Variants in GOLT1A observed in about 807,000 individuals in gnomAD.
GOLT1A encodes vesicle transport protein GOT1A.
A neutral mutation model predicts 16.1 loss-of-function variants in GOLT1A; 10 were observed. The observed-to-expected ratio is 0.62, with a 90% CI of 0.38 to 1.05. The LOEUF (loss-of-function observed/expected upper bound fraction) is 1.05. Ranked by LOEUF, GOLT1A falls within the 50% of genes least tolerant of loss-of-function variation. The probability of loss-of-function intolerance (pLI) is 0.01; values close to 1 mark genes in which losing one functional copy is unlikely to be tolerated. For missense variants in GOLT1A, 137 were observed against 165.7 expected, an observed-to-expected ratio of 0.83 and a Z score of 0.95; for synonymous variants, 60 against 67.9, an observed-to-expected ratio of 0.88 and a Z score of 0.57.
chr1:204,207,295 C>T (rs1485928496), intron 1 of GOLT1A, among the ~76,000 whole-genome samples: 1 of 152,226 alleles, frequency 6.6e-6, no homozygotes, highest in Non-Finnish European at 1.5e-5. Context: ...GTCACGCCTA[C>T]ACCCAGCCGA....
chr1:204,205,975 C>T (rs1411360510), intron 1 of GOLT1A, among the ~76,000 whole-genome samples: 1 of 152,086 alleles, frequency 6.6e-6, no homozygotes, highest in Admixed American at 6.5e-5. Flanking sequence ...GAGGCTGAGG[C>T]AGGAGAATTG....
intron 2 of GOLT1A, among the ~76,000 whole-genome samples, 190 bp downstream of exon 2, chr1:204,202,706 C>T (rs1421478583): frequency 6.6e-6 from 1 of 152,062 alleles, no homozygotes; most frequent in African/African-American, 2.4e-5. Flanking sequence ...TTTCCTGTGC[C>T]CTCCTCTGCC....
chr1:204,198,527 A>C, intron 4 of GOLT1A, 31 bp from the exon 5 acceptor site: 1 of 1,606,132 alleles, frequency 6.2e-7, no homozygotes. Context: ...TACTCCACAC[A>C]AAGGGTAGAG....
intron 1 of GOLT1A, among the ~76,000 whole-genome samples, chr1:204,209,654 A>C (rs965093116): frequency 1.3e-5 from 2 of 152,188 alleles, no homozygotes; most frequent in African/African-American, 4.8e-5. Context: ...AGGTACTACT[A>C]TTAGCACCAT....
In GOLT1A at chr1:204,203,490, C is replaced by T. The variant is rs149369533; in HGVS notation, c.26-503G>A. ...TCCTGGTCCTTACTCAAGAGGCTGGCCCGCCTGAGCAACTCTCCACACTGC... is the reference window on the plus strand; with the variant it reads ...TCCTGGTCCTTACTCAAGAGGCTGGTCCGCCTGAGCAACTCTCCACACTGC... On this transcript the variant is annotated intron_variant, in intron 1 of 4. Coordinates refer to ENST00000308302, the MANE Select transcript of GOLT1A (RefSeq NM_198447.2). Among the ~76,000 whole-genome samples the T allele has an allele frequency of 3.6e-3, 546 of 152,324 alleles. 1 individual carries two copies. Among genetic ancestry groups the T allele is most frequent in the Non-Finnish European group, 4.1e-3 (280 of 68,028 alleles).
chr1:204,201,847 C>A (rs1417582498), intron 2 of GOLT1A, 36 bp from the exon 3 acceptor site: 2 of 1,601,116 alleles, frequency 1.2e-6, no homozygotes, highest in Non-Finnish European at 1.7e-6. Flanking sequence ...AGCAAACCCA[C>A]CAGCCCCCTG....
intron 2 of GOLT1A, among the ~76,000 whole-genome samples, chr1:204,202,601 T>C (rs1658980023): frequency 6.6e-6 from 1 of 152,016 alleles, no homozygotes; most frequent in African/African-American, 2.4e-5. Context: ...GCAGGGACAG[T>C]GTCTGAGTCC....
intron 1 of GOLT1A, among the ~76,000 whole-genome samples, chr1:204,205,572 G>T (rs879153459): frequency 1.9e-4 from 29 of 152,258 alleles, no homozygotes; most frequent in South Asian, 1.2e-3. Context: ...GTGTTTAGAG[G>T]CAGAATTGTA....
intron 1 of GOLT1A, among the ~76,000 whole-genome samples, chr1:204,212,363 G>A (rs376499751): frequency 1.3e-5 from 2 of 151,940 alleles, no homozygotes; most frequent in African/African-American, 2.4e-5. Context: ...GGCTGGGCGC[G>A]GTGGCTCACG....
intron 4 of GOLT1A, chr1:204,198,841 G>A (rs1256071791): frequency 1.3e-5 from 6 of 473,022 alleles, no homozygotes; most frequent in East Asian, 1.1e-4. Flanking sequence ...TCCATGCCTG[G>A]GGCCCGCACT....
At chr1:204,204,182 A>ACATAAGTCT (rs1191812755) in intron 1 of GOLT1A, among the ~76,000 whole-genome samples, 3 of 152,202 alleles carry the variant, frequency 2.0e-5, no homozygotes, top group African/African-American at 4.8e-5. Context: ...GGCAACGTGC[A>ACATAAGTCT]CATAAAATGA....
chr1:204,209,561 A>T (rs752196568), intron 1 of GOLT1A, among the ~76,000 whole-genome samples: 1 of 152,250 alleles, frequency 6.6e-6, no homozygotes, highest in Non-Finnish European at 1.5e-5. Context: ...TAGTGTAATG[A>T]ACATACTGGG....
chr1:204,210,863 G>A (rs1255039984), intron 1 of GOLT1A, among the ~76,000 whole-genome samples: 1 of 152,030 alleles, frequency 6.6e-6, no homozygotes, highest in Non-Finnish European at 1.5e-5. Context: ...CAGCCATCTT[G>A]AACTGGGCTA....
chr1:204,206,764 T>A (rs1336286239), intron 1 of GOLT1A, among the ~76,000 whole-genome samples: 1 of 152,278 alleles, frequency 6.6e-6, no homozygotes. Flanking sequence ...CTGCACACAC[T>A]TAAGAACAGC....
In GOLT1A at chr1:204,205,276, A is replaced by C. The variant is rs80322723; in HGVS notation, c.26-2289T>G. 3.2e-3 allele frequency among the ~76,000 whole-genome samples: 486 copies of C among 152,198 alleles called. 3 individuals are homozygous for C. The highest frequency in any genetic ancestry group is 0.011 in the African/African-American group (464 of 41,504). On this transcript the variant is annotated intron_variant, in intron 1 of 4. Coordinates refer to ENST00000308302, the MANE Select transcript of GOLT1A (RefSeq NM_198447.2). Reference sequence around the variant, plus strand: ...ATGCTTTCCCCTATTTTTTATTCTAAGAGTTTTATAGTTTTAGCTCTTATT... The same window carrying C: ...ATGCTTTCCCCTATTTTTTATTCTACGAGTTTTATAGTTTTAGCTCTTATT...
chr1:204,200,299 G>GTGTA lies in GOLT1A; in HGVS notation c.297-1042_297-1041insTACA. Reference sequence around the variant, plus strand: ...GACTGTTTGAAAATGACATATATGTGTATATATATATATATATATATGTTT... The same window carrying GTGTA: ...GACTGTTTGAAAATGACATATATGTGTGTATATATATATATATATATATATGTTT... On this transcript the variant is annotated intron_variant, in intron 3 of 4. Coordinates refer to ENST00000308302, the MANE Select transcript of GOLT1A (RefSeq NM_198447.2). Among the ~76,000 whole-genome samples the GTGTA allele has an allele frequency of 5.8e-4, 48 of 82,662 alleles. 1 individual carries two copies. In the South Asian group the frequency reaches 0.011, roughly 19 times the overall value. The allele number at this position is 82,662 out of a possible 152,430, so 54.2% of individuals were successfully genotyped here.
intron 1 of GOLT1A, among the ~76,000 whole-genome samples, chr1:204,203,675 CTCCT>C (rs1426794629): frequency 1.3e-5 from 2 of 152,246 alleles, no homozygotes; most frequent in African/African-American, 4.8e-5. Context: ...TCCTCCCTCC[CTCCT>C]GCAGCAGGCA....
intron 1 of GOLT1A, among the ~76,000 whole-genome samples, chr1:204,208,476 G>GTGTGTATATATATA (rs1286299770): frequency 3.0e-4 from 12 of 39,936 alleles, no homozygotes; most frequent in African/African-American, 8.7e-4. Context: ...GTGTGTGTGT[G>GTGTGTATATATATA]TATATATATA....
In GOLT1A at chr1:204,203,499, G is replaced by A. The variant is rs534014661; in HGVS notation, c.26-512C>T. Among the ~76,000 whole-genome samples the A allele has an allele frequency of 1.5e-4, 23 of 152,286 alleles. No individual in the cohort carries two copies. The East Asian group carries it at 4.4e-3, about 29-fold the overall frequency. ...TTACTCAAGAGGCTGGCCCGCCTGA[G>A]CAACTCTCCACACTGCCTCCTTCCT... On this transcript the variant is annotated intron_variant, in intron 1 of 4. Transcript: ENST00000308302.
Sources: allele counts gnomAD v4.1 joint callset (sites outside exome capture counted in the v4.1 genomes callset), GRCh38; gene constraint gnomAD v4.1.1; transcripts MANE v1.5; gene names NCBI Gene and HGNC (gene_info 2026-07-23, HGNC 2026-07-21).